Variants in TTC6 observed in about 807,000 individuals in gnomAD.
The protein encoded by TTC6 is tetratricopeptide repeat protein 6.
TTC6 carries 172 observed loss-of-function variants against 210.4 expected under a neutral mutation model. The ratio of observed to expected loss-of-function variants is 0.82; its 90% CI spans 0.72 to 0.93. TTC6 has a LOEUF of 0.93. Among genes scored for constraint, TTC6 ranks in the 40% least tolerant of loss-of-function variants. TTC6 has a pLI of 0.00. For missense variants in TTC6, 2,414 were observed against 2,318.1 expected (o/e 1.04, Z -0.85); for synonymous variants, 804 against 819.6 (o/e 0.98, Z 0.32).
chr14:37,807,252 AT>A (rs949387543), intron 22 of TTC6, 67 bp from the exon 25 acceptor site: 2 of 1,355,424 alleles, frequency 1.5e-6, no homozygotes, highest in African/African-American at 2.8e-5. Context: ...CAAGTAGCAT[AT>A]ATTTTGGTAG....
At chr14:37,699,749 G>A (rs1192878433) in intron 4 of TTC6, among the ~76,000 whole-genome samples, 2 of 152,166 alleles carry the variant, frequency 1.3e-5, no homozygotes, top group African/African-American at 4.8e-5. Context: ...CATTGGATGT[G>A]CAGGTGAAAG....
chr14:37,747,087 T>C (rs544002334), intron 10 of TTC6, among the ~76,000 whole-genome samples: 1 of 152,212 alleles, frequency 6.6e-6, no homozygotes. Flanking sequence ...ATTGTTGTCC[T>C]AATGACTTAA....
chr14:37,598,712 C>T lies in TTC6; in HGVS notation c.-235+2704C>T, dbSNP rs1056599244. Among the ~76,000 whole-genome samples, 24 of 152,186 alleles carry T rather than the reference C, an allele frequency of 1.6e-4. No homozygotes were observed. Among genetic ancestry groups the T allele is most frequent in the Admixed American group, 2.6e-4 (4 of 15,290 alleles). ...GGCGGCCTCTCGCGGCGACAGGGTCCTTCCTATTTAGCAGGACCGCAGGGT... is the reference window on the plus strand; with the variant it reads ...GGCGGCCTCTCGCGGCGACAGGGTCTTTCCTATTTAGCAGGACCGCAGGGT... On this transcript the variant is annotated intron_variant, in intron 1 of 2. Coordinates refer to the TTC6 transcript ENST00000556845. The surrounding 1 kb of genome is among the most constrained non-coding windows in gnomAD (Gnocchi z 4.9).
intron 1 of TTC6, among the ~76,000 whole-genome samples, chr14:37,628,000 C>T (rs372094658): frequency 5.3e-5 from 8 of 152,110 alleles, no homozygotes; most frequent in African/African-American, 1.7e-4. Flanking sequence ...GATGGAGTTT[C>T]GCTCTTGTTG....
At chr14:37,680,200 C>T in exon 2 of TTC6, 2 of 1,534,216 alleles carry the variant, frequency 1.3e-6, no homozygotes, top group South Asian at 2.4e-5. Flanking sequence ...CCTATGCAAG[C>T]AGAAACACCT....
intron 26 of TTC6, among the ~76,000 whole-genome samples, chr14:37,822,071 GC>G (rs1385965502): frequency 3.3e-5 from 5 of 151,966 alleles, no homozygotes; most frequent in Non-Finnish European, 7.4e-5. Flanking sequence ...GAGCCACCGT[GC>G]CCGGCCAGAG....
upstream of TTC6, among the ~76,000 whole-genome samples, chr14:37,619,959 T>C (rs111774283): frequency 7.5e-3 from 1,147 of 152,304 alleles, 6 homozygotes; most frequent in Middle Eastern, 0.044. Flanking sequence ...TCAAGGAACA[T>C]TAACTTCCTA....
chr14:37,835,127 C>A (rs918696407), intron 29 of TTC6, among the ~76,000 whole-genome samples: 2 of 152,134 alleles, frequency 1.3e-5, no homozygotes, highest in East Asian at 3.9e-4. Context: ...GCACTCCTGG[C>A]AGGGCACATA....
At chr14:37,634,546 G>A (rs568279191) in intron 1 of TTC6, among the ~76,000 whole-genome samples, 1 of 152,108 alleles carries the variant, frequency 6.6e-6, no homozygotes, top group South Asian at 2.1e-4. Flanking sequence ...GGAAAAAGAG[G>A]GCAGGACTGA....
At chr14:37,779,102 G>A (rs1014699531) in intron 14 of TTC6, among the ~76,000 whole-genome samples, 1 of 152,184 alleles carries the variant, frequency 6.6e-6, no homozygotes, top group African/African-American at 2.4e-5. Context: ...GATTCCAGAA[G>A]TCTGTGGTGA....
chr14:37,673,867 C>T (rs528951358), intron 1 of TTC6, among the ~76,000 whole-genome samples: 1 of 152,046 alleles, frequency 6.6e-6, no homozygotes, highest in Non-Finnish European at 1.5e-5. Flanking sequence ...TCCAGGATTG[C>T]GAAGTTGGAT....
chr14:37,778,753 T>A (rs534426584), intron 14 of TTC6, among the ~76,000 whole-genome samples: 1 of 152,232 alleles, frequency 6.6e-6, no homozygotes, highest in Non-Finnish European at 1.5e-5. Context: ...GGAGGCACCC[T>A]GGTTGGGCAT....
At chr14:37,668,193 C>T (rs576127826) in intron 1 of TTC6, among the ~76,000 whole-genome samples, 4 of 150,310 alleles carry the variant, frequency 2.7e-5, no homozygotes, top group East Asian at 3.9e-4. Context: ...AATTCCAAAC[C>T]GTAGATAGCA....
chr14:37,804,709 G>GGAT (rs780885643), exon 21 of TTC6: 1 of 1,614,068 alleles, frequency 6.2e-7, no homozygotes, highest in South Asian at 1.1e-5. Context: ...AGAAGGCTTT[G>GGAT]GATGCCATTT....
chr14:37,684,900 T>A (rs1451460355), intron 3 of TTC6, among the ~76,000 whole-genome samples: 1 of 151,968 alleles, frequency 6.6e-6, no homozygotes. Flanking sequence ...AGCACAGAGG[T>A]GTAATAAAGG....
intron 1 of TTC6, among the ~76,000 whole-genome samples, chr14:37,635,982 A>C (rs1307158393): frequency 1.4e-5 from 1 of 72,726 alleles, no homozygotes; most frequent in South Asian, 5.1e-4. Flanking sequence ...TTCCATTTCC[A>C]AAAAAAAAAA....
At chr14:37,692,112 TC>T (rs1296284741) in intron 3 of TTC6, among the ~76,000 whole-genome samples, 2 of 137,224 alleles carry the variant, frequency 1.5e-5, no homozygotes, top group East Asian at 4.9e-4. Flanking sequence ...CCAATTCTAC[TC>T]AAGCTATTCT....
At chr14:37,675,754 T>C (rs75063823) in intron 1 of TTC6, among the ~76,000 whole-genome samples, 3,072 of 151,744 alleles carry the variant, frequency 0.02, 95 homozygotes, top group African/African-American at 0.066. Context: ...TTCTTTCTTT[T>C]TTTTTTTTTT....
chr14:37,758,480 C>G (rs1482068884), intron 14 of TTC6, among the ~76,000 whole-genome samples: 1 of 152,082 alleles, frequency 6.6e-6, no homozygotes, highest in Admixed American at 6.6e-5. Context: ...TATTTAAAGT[C>G]TGTTTTATCA....
Sources: gnomAD v4.1 joint callset for allele counts (sites outside exome capture counted in the v4.1 genomes callset) on GRCh38, gnomAD v4.1.1 for gene constraint, Gnocchi (gnomAD v3.1) non-coding constraint, MANE v1.5 for transcripts, NCBI Gene and HGNC (gene_info 2026-07-23, HGNC 2026-07-21) for gene names.